Variants in NCKAP1 observed in about 807,000 individuals in gnomAD.
NCKAP1 encodes the protein nck-associated protein 1.
In NCKAP1, 21 loss-of-function variants were observed where a neutral mutation model predicts 151.2. The ratio of observed to expected loss-of-function variants is 0.14; its 90% CI spans 0.10 to 0.20. The LOEUF is 0.20. Among genes scored for constraint, NCKAP1 ranks in the 10% least tolerant of loss-of-function variants. The pLI, the probability that NCKAP1 is intolerant of heterozygous loss-of-function variation, is 1.00. For synonymous variants in NCKAP1, 484 were observed against 451.8 expected, an observed-to-expected ratio of 1.07 and a Z score of -0.90; for missense variants, 933 against 1,352.1, an observed-to-expected ratio of 0.69 and a Z score of 4.86.
At chr2:182,981,155 T>C in intron 13 of NCKAP1, 89 bp downstream of exon 13, 1 of 1,464,928 alleles carries the variant, frequency 6.8e-7, no homozygotes, top group Non-Finnish European at 9.4e-7. Context: ...CACATGATAT[T>C]TCATAAATGC....
At chr2:182,979,003 G>A (rs1697883220) in intron 13 of NCKAP1, 88 bp from the exon 14 acceptor site, 6 of 693,836 alleles carry the variant, frequency 8.6e-6, no homozygotes, top group East Asian at 2.8e-5. Context: ...TAAACAAACT[G>A]GTATACCCAT....
At chr2:183,004,602 T>C (rs1698434016) in intron 2 of NCKAP1, among the ~76,000 whole-genome samples, 1 of 151,380 alleles carries the variant, frequency 6.6e-6, no homozygotes, top group Non-Finnish European at 1.5e-5. Context: ...TAATTCTATC[T>C]AGAAAATATT....
chr2:182,919,702 A>C lies in NCKAP1; in HGVS notation c.*6000T>G, dbSNP rs1335977426. 1.4e-5 allele frequency: 2 copies of C among 147,824 alleles called. No individual in the cohort carries two copies. The highest frequency in any genetic ancestry group is 3.0e-5 in the Non-Finnish European group (2 of 67,376). 9.2% of individuals were successfully genotyped at this position (147,824 alleles called of 1,614,324 possible). A position where few individuals can be genotyped will look rare whatever the true frequency, so the allele number is the denominator to read the frequency against. On this transcript the variant is annotated 3_prime_UTR_variant, in exon 31 of 31. Transcript: ENST00000361354. ...AGTCTTGTTCTGTTGCCCAGGCTGG[A>C]GTGCAGTGGCATGATCTCGGCTCAC...
At chr2:183,026,284 A>G (rs1473019055) in intron 1 of NCKAP1, among the ~76,000 whole-genome samples, 1 of 152,132 alleles carries the variant, frequency 6.6e-6, no homozygotes, top group Non-Finnish European at 1.5e-5. Context: ...GTTTTAAATT[A>G]GCTTGTAGAG....
chr2:182,962,374 T>TA (rs1222343154), intron 17 of NCKAP1, 96 bp from the exon 18 acceptor site: 1 of 1,223,200 alleles, frequency 8.2e-7, no homozygotes, highest in Non-Finnish European at 1.1e-6. Flanking sequence ...AGGCTAAAGG[T>TA]ACATTCCGCA....
chr2:182,974,259 TAA>T (rs1173365320), intron 15 of NCKAP1, among the ~76,000 whole-genome samples: 14 of 63,272 alleles, frequency 2.2e-4, no homozygotes, highest in Admixed American at 5.4e-4. Flanking sequence ...CTGTTGTCAC[TAA>T]AAAAAAAAAA....
chr2:182,981,187 T>C (rs1196354781), intron 13 of NCKAP1, 57 bp downstream of exon 13: 19 of 1,557,516 alleles, frequency 1.2e-5, no homozygotes, highest in East Asian at 4.5e-5. Context: ...ACAAATAAAA[T>C]ACTATCAAAG....
Position 182,922,440 on chromosome 2 carries a change from T to C in NCKAP1, c.*3262A>G, listed in dbSNP as rs1696567361. On this transcript the variant is annotated 3_prime_UTR_variant, in exon 31 of 31. Transcript: ENST00000361354. ...TGATCAGAAGAGAAAAAGAGCTAGA[T>C]AGCCCATAAGGCTCCTAGAGGGAAC... 6.6e-6 allele frequency: 1 copy of C among 152,228 alleles called. No individual in the cohort carries two copies. The highest frequency in any genetic ancestry group is 2.1e-4 in the South Asian group (1 of 4,828). 9.4% of individuals were successfully genotyped at this position (152,228 alleles called of 1,614,324 possible). A position where few individuals can be genotyped will look rare whatever the true frequency, so the allele number is the denominator to read the frequency against.
chr2:182,985,572 G>T (rs1698037573), intron 10 of NCKAP1, among the ~76,000 whole-genome samples: 1 of 152,020 alleles, frequency 6.6e-6, no homozygotes, highest in Non-Finnish European at 1.5e-5. Context: ...GGAGGCCAAG[G>T]CAGGCTGATC....
In NCKAP1 at chr2:182,910,613, C is replaced by G. The variant is rs1366522257; in HGVS notation, c.*15089G>C. 6.6e-6 allele frequency: 1 copy of G among 152,252 alleles called. No homozygotes were observed. Among genetic ancestry groups the G allele is most frequent in the Non-Finnish European group, 1.5e-5 (1 of 68,096 alleles). The allele number at this position is 152,252 out of a possible 1,614,324, so 9.4% of individuals were successfully genotyped here. A position where few individuals can be genotyped will look rare whatever the true frequency, so the allele number is the denominator to read the frequency against. On this transcript the variant is annotated 3_prime_UTR_variant, in exon 31 of 31. Transcript: ENST00000361354. ...ATGCTGTGAGGGCTGCGGCTGTGCT[C>G]TGCACTTCTGTGTACGTCGAACAAG...
chr2:182,927,214 T>G (rs1278802772), intron 29 of NCKAP1: 1 of 231,650 alleles, frequency 4.3e-6, no homozygotes, highest in African/African-American at 2.4e-5. Context: ...CATCCCATTA[T>G]CTATACTGAC....
At chr2:182,952,607 C>T (rs903766158) in intron 22 of NCKAP1, 105 bp from the exon 23 acceptor site, 26 of 1,124,654 alleles carry the variant, frequency 2.3e-5, no homozygotes, top group Non-Finnish European at 3.3e-5. Flanking sequence ...AATGTAAAAT[C>T]CTGATAAAAG....
intron 8 of NCKAP1, among the ~76,000 whole-genome samples, chr2:182,992,217 T>C (rs751202857): frequency 6.6e-6 from 1 of 152,178 alleles, no homozygotes; most frequent in Non-Finnish European, 1.5e-5. Context: ...CTAGTCTGGG[T>C]AGTAGTTCCA....
chr2:183,006,616 C>A (rs1469638472), intron 2 of NCKAP1, among the ~76,000 whole-genome samples: 1 of 152,074 alleles, frequency 6.6e-6, no homozygotes, highest in East Asian at 1.9e-4. Context: ...CAATGAAGAA[C>A]AAAAGTGTCT....
rs180867013 is a variant in NCKAP1, at chr2:182,969,236, T to C, written c.1483-1875A>G. Reference sequence around the variant, plus strand: ...AACAAAGTTCAACAAATTCAAAAAATTGAAATCATATCAAGTATCTTCTCT... The same window carrying C: ...AACAAAGTTCAACAAATTCAAAAAACTGAAATCATATCAAGTATCTTCTCT... On this transcript the variant is annotated intron_variant, in intron 15 of 30. Transcript: ENST00000361354. Among the ~76,000 whole-genome samples, 16 of 152,234 alleles carry C rather than the reference T, an allele frequency of 1.1e-4. No individual in the cohort carries two copies. In the East Asian group the frequency reaches 1.4e-3, roughly 13 times the overall value.
In NCKAP1 at chr2:182,982,945, A is replaced by T. The variant is rs1416585982; in HGVS notation, c.1102-18T>A. 1.3e-6 allele frequency: 2 copies of T among 1,554,280 alleles called. No homozygotes were observed. Among genetic ancestry groups the T allele is most frequent in the Non-Finnish European group, 1.7e-6 (2 of 1,143,094 alleles). On this transcript the variant is annotated intron_variant, in intron 11 of 30. Coordinates refer to ENST00000361354, the MANE Select transcript of NCKAP1 (RefSeq NM_013436.5). ...AAAAGTGCCTGTTTAAAAAAAAGTA[A>T]GTGTTTATTCTTATTCAAAGATTAA...
In NCKAP1 at chr2:182,923,541, GA is replaced by G. The variant is rs1221151901; in HGVS notation, c.*2160del. 1 of 152,158 alleles carries G rather than the reference GA, an allele frequency of 6.6e-6. No individual in the cohort carries two copies. Among genetic ancestry groups the G allele is most frequent in the African/African-American group, 2.4e-5 (1 of 41,442 alleles). 9.4% of individuals were successfully genotyped at this position (152,158 alleles called of 1,614,324 possible). On this transcript the variant is annotated 3_prime_UTR_variant, in exon 31 of 31. Coordinates refer to ENST00000361354, the MANE Select transcript of NCKAP1 (RefSeq NM_013436.5). ...ATCCGCCTTGGCCTCCCAAAGTGCT[GA>G]AATAGGCGTGTGCCACTACGCCTGG...
At chr2:182,997,819 A>G (rs187966675) in intron 6 of NCKAP1, among the ~76,000 whole-genome samples, 5 of 152,328 alleles carry the variant, frequency 3.3e-5, no homozygotes, top group Admixed American at 3.3e-4. Flanking sequence ...GCTCCTCATC[A>G]TTCTATGAGT....
At chr2:182,997,529 T>G (rs1037385938) in intron 6 of NCKAP1, among the ~76,000 whole-genome samples, 1 of 152,222 alleles carries the variant, frequency 6.6e-6, no homozygotes, top group Admixed American at 6.5e-5. Context: ...TTGTTTAGTT[T>G]CCAAGTATTT....
Sources: allele counts gnomAD v4.1 joint callset (sites outside exome capture counted in the v4.1 genomes callset), GRCh38; gene constraint gnomAD v4.1.1; transcripts MANE v1.5; gene names NCBI Gene and HGNC (gene_info 2026-07-23, HGNC 2026-07-21).